VWA5B1: variants seen among roughly 807,000 people sequenced by gnomAD.
The protein encoded by VWA5B1 is von Willebrand factor A domain-containing protein 5B1.
A neutral mutation model predicts 118.2 loss-of-function variants in VWA5B1; 115 were observed. That is an observed-to-expected ratio of 0.97 (90% CI 0.84 to 1.14). The LOEUF (loss-of-function observed/expected upper bound fraction) is 1.14, where lower values mean the gene tolerates loss of function less well. Among genes scored for constraint, VWA5B1 ranks in the 50% most tolerant of loss-of-function variants. VWA5B1 has a pLI of 0.00. For missense variants in VWA5B1, 1,596 were observed against 1,603.8 expected, an observed-to-expected ratio of 1.00 and a Z score of 0.08; for synonymous variants, 682 against 658.4, an observed-to-expected ratio of 1.04 and a Z score of -0.55.
chr1:20,328,734 C>A (rs2089460135), intron 9 of VWA5B1, among the ~76,000 whole-genome samples: 2 of 152,104 alleles, frequency 1.3e-5, no homozygotes, highest in Non-Finnish European at 1.5e-5. Flanking sequence ...GACAGTGAGA[C>A]CTCATTTCTA....
At chr1:20,343,496 G>T in intron 16 of VWA5B1, 103 bp downstream of exon 16, 5 of 1,346,352 alleles carry the variant, frequency 3.7e-6, no homozygotes, top group Non-Finnish European at 4.7e-6. Flanking sequence ...GATCCTCTCA[G>T]CCCCGCGTGG....
intron 3 of VWA5B1, among the ~76,000 whole-genome samples, chr1:20,313,927 G>A (rs1464266082): frequency 6.6e-6 from 1 of 152,162 alleles, no homozygotes; most frequent in Non-Finnish European, 1.5e-5. Flanking sequence ...GTGTGGGTGG[G>A]TAGACTGGCT....
intron 1 of VWA5B1, among the ~76,000 whole-genome samples, chr1:20,298,931 G>A (rs1242468208): frequency 6.6e-6 from 1 of 152,140 alleles, no homozygotes; most frequent in East Asian, 1.9e-4. Context: ...AAATGCAGAG[G>A]CACTGGAATG....
chr1:20,343,210 A>G lies in VWA5B1; in HGVS notation c.2443A>G (p.Lys815Glu), dbSNP rs942309618. The G allele has an allele frequency of 1.3e-6, 2 of 1,549,412 alleles. No homozygotes were observed. Among genetic ancestry groups the G allele is most frequent in the African/African-American group, 2.7e-5 (2 of 72,942 alleles). The change falls in exon 16 of 22, where the codon AAA becomes GAA. Residue 815 changes from lysine (K) to glutamate (E), a missense_variant. Coordinates refer to ENST00000289815, the MANE Select transcript of VWA5B1 (RefSeq NM_001039500.3). ...PAPVLGKALVKGLHDSQRLQW... is the reference protein window; with the variant it reads ...PAPVLGKALVEGLHDSQRLQW... ...CCCGGTGCTGGGCAAGGCCCTGGTC[A>G]AAGGCCTGCACGACAGCCAACGCCT...
chr1:20,342,318 G>C (rs566125915), intron 14 of VWA5B1, 114 bp from the exon 15 acceptor site: 1 of 1,130,800 alleles, frequency 8.8e-7, no homozygotes, highest in East Asian at 2.6e-5. Flanking sequence ...TGGGGTGGGG[G>C]TGGGGGAGCA....
chr1:20,295,136 A>G (rs2088380129), intron 1 of VWA5B1, among the ~76,000 whole-genome samples: 1 of 152,094 alleles, frequency 6.6e-6, no homozygotes, highest in South Asian at 2.1e-4. Context: ...GTTTGAAGGG[A>G]CCCAGCAGGA....
Position 20,291,359 on chromosome 1 carries a change from T to TTCTCTCTC in VWA5B1, c.-27+291_-27+298dup, listed in dbSNP as rs67596546. Among the ~76,000 whole-genome samples the TTCTCTCTC allele has an allele frequency of 5.5e-3, 564 of 103,378 alleles. 2 individuals are homozygous for TTCTCTCTC. Among genetic ancestry groups the TTCTCTCTC allele is most frequent in the East Asian group, 0.027 (90 of 3,320 alleles). The allele number at this position is 103,378 out of a possible 152,430, so 67.8% of individuals were successfully genotyped here. A position where few individuals can be genotyped will look rare whatever the true frequency, so the allele number is the denominator to read the frequency against. On this transcript the variant is annotated intron_variant, in intron 1 of 21. Transcript: ENST00000289815. Reference sequence around the variant, plus strand: ...TCTCTCTCTTTCTTTCTTTCTTTCTTTCTCTCTCTCTCTCTCTCTCTCTCT... The same window carrying TTCTCTCTC: ...TCTCTCTCTTTCTTTCTTTCTTTCTTTCTCTCTCTCTCTCTCTCTCTCTCTCTCTCTCT...
In VWA5B1 at chr1:20,343,159, A is replaced by C. The variant is rs1488927179; in HGVS notation, c.2392A>C (p.Ser798Arg). 6 of 1,548,802 alleles carry C rather than the reference A, an allele frequency of 3.9e-6. No individual in the cohort carries two copies. The Admixed American group carries it at 1.2e-4, about 30-fold the overall frequency. Residue 798 changes from serine (S) to arginine (R), a missense_variant, in exon 16 of 22, where the codon AGT (serine) becomes CGT (arginine). Physicochemically the swap from Ser to Arg is moderately radical, Grantham distance 110. Coordinates refer to ENST00000289815, the MANE Select transcript of VWA5B1 (RefSeq NM_001039500.3). ...CCCAGCCGAGTCCCAGGAGCGAGCC[A>C]GTCCCAGCAGGCCCGCCACCCCGGC... Reference protein sequence around the residue: ...DPPAESQERASPSRPATPAPV... With the variant: ...DPPAESQERARPSRPATPAPV...
chr1:20,353,918 G>A lies in VWA5B1; in HGVS notation c.3303G>A (p.Leu1101=), dbSNP rs777583647. Residue 1101 remains leucine, a synonymous_variant, in exon 22 of 22, where the codon CTG becomes CTA. Coordinates refer to ENST00000289815, the MANE Select transcript of VWA5B1 (RefSeq NM_001039500.3). ...PSESKTPSPQ[L]CTSSPPRHPS... ...AGTCCAAGACCCCGAGTCCCCAGCT[G>A]TGCACCAGCTCCCCGCCTAGGCACC... The A allele has an allele frequency of 3.9e-6, 6 of 1,549,400 alleles. No individual in the cohort carries two copies. In the South Asian group the frequency reaches 7.2e-5, roughly 19 times the overall value.
chr1:20,350,770 T>C, intron 19 of VWA5B1, 87 bp from the exon 20 acceptor site: 1 of 1,308,852 alleles, frequency 7.6e-7, no homozygotes, highest in South Asian at 1.3e-5. Context: ...CCTGCCCCTC[T>C]CTAGGCCTCT....
rs1289280031 is a variant in VWA5B1, at chr1:20,354,494, A to G, written c.*231A>G. 3.5e-6 allele frequency: 2 copies of G among 571,086 alleles called. No homozygotes were observed. Among genetic ancestry groups the G allele is most frequent in the Non-Finnish European group, 6.1e-6 (2 of 326,466 alleles). The allele number at this position is 571,086 out of a possible 1,614,324, so 35.4% of individuals were successfully genotyped here. A position where few individuals can be genotyped will look rare whatever the true frequency, so the allele number is the denominator to read the frequency against. ...CGTCTGGGCCTCAGTTTCCTCATCT[A>G]TAAAATAAGAGGGCGAGATGAAGGA... On this transcript the variant is annotated 3_prime_UTR_variant, in exon 22 of 22. Coordinates refer to ENST00000289815, the MANE Select transcript of VWA5B1 (RefSeq NM_001039500.3).
intron 8 of VWA5B1, among the ~76,000 whole-genome samples, chr1:20,325,353 T>G (rs1256430937): frequency 6.6e-6 from 1 of 152,248 alleles, no homozygotes; most frequent in African/African-American, 2.4e-5. Context: ...TTTTCAACTC[T>G]GGGATTCATT....
chr1:20,341,227 T>C (rs2089867378), intron 14 of VWA5B1, among the ~76,000 whole-genome samples: 1 of 152,250 alleles, frequency 6.6e-6, no homozygotes, highest in Non-Finnish European at 1.5e-5. Flanking sequence ...TTGGATCGTT[T>C]CCAGATTTTT....
chr1:20,350,373 T>A (rs529532691), intron 19 of VWA5B1, 143 bp downstream of exon 19: 1 of 935,608 alleles, frequency 1.1e-6, no homozygotes, highest in African/African-American at 1.6e-5. Context: ...AATAGGATTA[T>A]CCCCAATTGA....
At chr1:20,315,112 G>A (rs1043392143) in intron 4 of VWA5B1, among the ~76,000 whole-genome samples, 1 of 152,240 alleles carries the variant, frequency 6.6e-6, no homozygotes, top group African/African-American at 2.4e-5. Flanking sequence ...AACCTAGGGG[G>A]CCAGGGGCTG....
At chr1:20,302,396 G>A (rs1273546308) in intron 1 of VWA5B1, among the ~76,000 whole-genome samples, 1 of 152,134 alleles carries the variant, frequency 6.6e-6, no homozygotes, top group Non-Finnish European at 1.5e-5. Flanking sequence ...CTATTTATTT[G>A]GCCACTGACT....
rs897675518 is a variant in VWA5B1, at chr1:20,300,166, G to A, written c.-27+9078G>A. ...CTCTGCTGCAAAGTGAGGATGAGCT[G>A]CTTCATAGGGTCTTTCTGGGGATTC... On this transcript the variant is annotated intron_variant, in intron 1 of 21. Coordinates refer to ENST00000289815, the MANE Select transcript of VWA5B1 (RefSeq NM_001039500.3). 2.0e-5 allele frequency among the ~76,000 whole-genome samples: 3 copies of A among 152,210 alleles called. No homozygotes were observed. In the East Asian group the frequency reaches 5.8e-4, roughly 29 times the overall value.
In VWA5B1 at chr1:20,358,150, G is replaced by T. The variant is rs186192370; in HGVS notation, c.*3887G>T. ...CCCTTCTCTGCGGGCAAAATGAATG[G>T]CATCCCCTAGCCTTCACTGACCTGA... On this transcript the variant is annotated 3_prime_UTR_variant, in exon 22 of 22. Transcript: ENST00000289815. Among the ~76,000 whole-genome samples, 19 of 152,246 alleles carry T rather than the reference G, an allele frequency of 1.2e-4. No individual in the cohort carries two copies. The East Asian group carries it at 2.9e-3, about 23-fold the overall frequency.
At position 20,354,151 on chromosome 1, in the gene VWA5B1, G is replaced by T. The variant is rs1206953022; in HGVS notation, c.3536G>T (p.Gly1179Val). 2 of 1,551,304 alleles carry T rather than the reference G, an allele frequency of 1.3e-6. No individual in the cohort carries two copies. The highest frequency in any genetic ancestry group is 3.9e-5 in the Admixed American group (2 of 51,010). ...CTGGAGCAGCAGGAAGTACCCGAGG[G>T]CCGCACGCAGGGCACACTCAAGGCC... is the stretch of plus-strand genomic sequence containing the variant. The part of the protein sequence containing the change: ...SWLEQQEVPE[G>V]RTQGTLKAAA... Residue 1179 changes from glycine (G) to valine (V), a missense_variant, in exon 22 of 22, where the codon GGC (glycine) becomes GTC (valine). Gly to Val is a moderately radical substitution (Grantham distance 109, BLOSUM62 -3). Coordinates refer to ENST00000289815, the MANE Select transcript of VWA5B1 (RefSeq NM_001039500.3).
Sources: allele counts gnomAD v4.1 joint callset (sites outside exome capture counted in the v4.1 genomes callset), GRCh38; gene constraint gnomAD v4.1.1; transcripts MANE v1.5; gene names NCBI Gene and HGNC (gene_info 2026-07-23, HGNC 2026-07-21).